TOX: variants seen among roughly 807,000 people sequenced by gnomAD.
TOX encodes thymocyte selection associated high mobility group box, also known as thymocyte selection-associated high mobility group box protein TOX.
A neutral mutation model predicts 53.7 loss-of-function variants in TOX; 11 were observed. The ratio of observed to expected loss-of-function variants is 0.20; its 90% CI spans 0.13 to 0.34. The LOEUF (loss-of-function observed/expected upper bound fraction) is 0.34. Ranked by LOEUF, TOX falls within the 10% of genes least tolerant of loss-of-function variation. The pLI is 1.00. For synonymous variants in TOX, 225 were observed against 245.3 expected (o/e 0.92, Z 0.77); for missense variants, 570 against 664.6 (o/e 0.86, Z 1.56).
intron 1 of TOX, among the ~76,000 whole-genome samples, chr8:59,042,191 T>A (rs534089163): frequency 7.2e-5 from 11 of 152,358 alleles, no homozygotes; most frequent in African/African-American, 2.6e-4. Context: ...GAATCTGATA[T>A]TCATGGGTGT....
At chr8:58,858,458 T>C (rs540740616) in intron 3 of TOX, among the ~76,000 whole-genome samples, 6 of 152,382 alleles carry the variant, frequency 3.9e-5, no homozygotes, top group African/African-American at 1.4e-4. Context: ...GGCTCTGCTC[T>C]GATCCAGCTG....
intron 1 of TOX, among the ~76,000 whole-genome samples, chr8:58,975,258 A>ACC (rs758589023): frequency 1.1e-4 from 16 of 148,768 alleles, no homozygotes; most frequent in Middle Eastern, 3.6e-3. Flanking sequence ...ACACACACAC[A>ACC]CACACCCCCA....
chr8:58,859,001 T>TA (rs1810961973), intron 3 of TOX, among the ~76,000 whole-genome samples: 1 of 152,234 alleles, frequency 6.6e-6, no homozygotes, highest in African/African-American at 2.4e-5. Context: ...TACAACAGAA[T>TA]AAATGTGTGG....
intron 3 of TOX, among the ~76,000 whole-genome samples, chr8:58,885,343 T>C (rs1028825649): frequency 1.3e-5 from 2 of 152,104 alleles, no homozygotes; most frequent in African/African-American, 4.8e-5. Context: ...AGTAGTCAGA[T>C]TGGAACCTAT....
intron 6 of TOX, among the ~76,000 whole-genome samples, chr8:58,818,248 C>A (rs1810212924): frequency 6.6e-6 from 1 of 152,144 alleles, no homozygotes; most frequent in Non-Finnish European, 1.5e-5. Context: ...AGAGTAGTAA[C>A]TTTTAATCAC....
chr8:59,107,764 T>C (rs1010735747), intron 1 of TOX, among the ~76,000 whole-genome samples: 1 of 152,188 alleles, frequency 6.6e-6, no homozygotes, highest in Non-Finnish European at 1.5e-5. Context: ...ACATTCTAAA[T>C]TCCATATGAA....
chr8:58,859,128 CTATT>C (rs1810965211), intron 3 of TOX, among the ~76,000 whole-genome samples: 1 of 152,064 alleles, frequency 6.6e-6, no homozygotes, highest in Non-Finnish European at 1.5e-5. Context: ...TTCTTGTGAT[CTATT>C]TATTATGTAG....
intron 1 of TOX, among the ~76,000 whole-genome samples, chr8:59,031,334 GC>G (rs1814351972): frequency 6.6e-6 from 1 of 152,186 alleles, no homozygotes; most frequent in African/African-American, 2.4e-5. Flanking sequence ...TCATCCCAGT[GC>G]CCATTGCAGG....
intron 3 of TOX, among the ~76,000 whole-genome samples, chr8:58,881,134 G>C (rs973118036): frequency 6.6e-6 from 1 of 151,918 alleles, no homozygotes. Context: ...GGATTTCACC[G>C]ACCACAAAGT....
intron 4 of TOX, among the ~76,000 whole-genome samples, chr8:58,838,699 C>T (rs1416738418): frequency 1.3e-3 from 117 of 88,826 alleles, no homozygotes; most frequent in African/African-American, 3.0e-3. Context: ...TTATCCTTGT[C>T]TTTTTTTTTT....
intron 1 of TOX, among the ~76,000 whole-genome samples, chr8:59,039,889 G>A (rs1282654424): frequency 6.6e-6 from 1 of 152,018 alleles, no homozygotes; most frequent in African/African-American, 2.4e-5. Context: ...ATTATTTATT[G>A]AATTAACACT....
At chr8:58,997,801 TG>T (rs1232838875) in intron 1 of TOX, among the ~76,000 whole-genome samples, 1 of 152,188 alleles carries the variant, frequency 6.6e-6, no homozygotes, top group Non-Finnish European at 1.5e-5. Flanking sequence ...TGTTTTGTTT[TG>T]TTTTTTTTGA....
chr8:59,051,276 G>GT (rs1803784995), intron 1 of TOX, among the ~76,000 whole-genome samples: 1 of 152,130 alleles, frequency 6.6e-6, no homozygotes, highest in Admixed American at 6.5e-5. Flanking sequence ...TACTTACTGT[G>GT]TAGGTAAAAG....
intron 1 of TOX, among the ~76,000 whole-genome samples, chr8:59,024,871 T>C (rs551555373): frequency 6.6e-6 from 1 of 152,174 alleles, no homozygotes. Context: ...TTAAAGTAAA[T>C]GTCAATTCCA....
At chr8:58,807,994 T>C in intron 8 of TOX, 124 bp downstream of exon 8, 3 of 1,380,574 alleles carry the variant, frequency 2.2e-6, no homozygotes, top group Non-Finnish European at 3.0e-6. Context: ...TCTGGTGTCT[T>C]CTGCCTTCAT....
intron 2 of TOX, among the ~76,000 whole-genome samples, chr8:58,939,871 G>A (rs558260066): frequency 3.3e-5 from 5 of 152,268 alleles, no homozygotes; most frequent in Admixed American, 6.5e-5. Flanking sequence ...GGAATTGTAC[G>A]GAAGGAAGGC....
chr8:58,831,195 G>A (rs527832006), intron 5 of TOX, among the ~76,000 whole-genome samples: 1 of 152,186 alleles, frequency 6.6e-6, no homozygotes, highest in South Asian at 2.1e-4. Flanking sequence ...TTCTGGAATG[G>A]TAAGAATCCG....
At chr8:58,942,093 C>T (rs1448535527) in intron 2 of TOX, among the ~76,000 whole-genome samples, 3 of 151,406 alleles carry the variant, frequency 2.0e-5, no homozygotes, top group Non-Finnish European at 4.4e-5. Context: ...AGAAATTCTC[C>T]TGAATAAGGC....
At chr8:58,952,832 A>G (rs1417387347) in intron 2 of TOX, among the ~76,000 whole-genome samples, 1 of 152,202 alleles carries the variant, frequency 6.6e-6, no homozygotes, top group Non-Finnish European at 1.5e-5. Context: ...TTATATTCAC[A>G]AATCCCACAG....
Sources: allele counts gnomAD v4.1 joint callset (sites outside exome capture counted in the v4.1 genomes callset), GRCh38; gene constraint gnomAD v4.1.1; transcripts MANE v1.5; gene names NCBI Gene and HGNC (gene_info 2026-07-23, HGNC 2026-07-21).